The following HDAC9 variants were observed in gnomAD, a reference collection of about 807,000 sequenced individuals.
HDAC9 encodes the protein MEF-2 interacting transcription repressor (MITR) protein.
HDAC9 carries 41 observed loss-of-function variants against 139.4 expected under a neutral mutation model. That is an observed-to-expected ratio of 0.29 (90% CI 0.23 to 0.38). HDAC9 has a LOEUF of 0.38. HDAC9 is among the 10% of genes least tolerant of loss of function. HDAC9 has a pLI of 1.00. For missense variants in HDAC9, 1,147 were observed against 1,297.0 expected (o/e 0.88, Z 1.78); for synonymous variants, 517 against 476.2 (o/e 1.09, Z -1.12).
At chr7:18,608,163 GTAAAT>G (rs1397733859) in intron 6 of HDAC9, among the ~76,000 whole-genome samples, 1 of 152,032 alleles carries the variant, frequency 6.6e-6, no homozygotes, top group Non-Finnish European at 1.5e-5. Flanking sequence ...ACCTAATGAA[GTAAAT>G]TAAGAGATAG....
intron 1 of HDAC9, among the ~76,000 whole-genome samples, chr7:18,088,842 A>G (rs1388028136): frequency 6.6e-6 from 1 of 152,232 alleles, no homozygotes; most frequent in East Asian, 1.9e-4. Flanking sequence ...GGCTAATAAG[A>G]ATATTATATT....
At chr7:18,876,376 C>T (rs1799321071) in intron 22 of HDAC9, among the ~76,000 whole-genome samples, 1 of 152,070 alleles carries the variant, frequency 6.6e-6, no homozygotes, top group Non-Finnish European at 1.5e-5. Context: ...TACTCAAGAA[C>T]CATATGTTCT....
intron 1 of HDAC9, among the ~76,000 whole-genome samples, chr7:18,144,755 C>A (rs1027707201): frequency 6.6e-6 from 1 of 152,142 alleles, no homozygotes; most frequent in African/African-American, 2.4e-5. Flanking sequence ...TTTCCATCTC[C>A]TCTCCAGCCA....
chr7:18,729,144 G>A (rs1295960102), intron 13 of HDAC9, among the ~76,000 whole-genome samples: 1 of 152,120 alleles, frequency 6.6e-6, no homozygotes, highest in Non-Finnish European at 1.5e-5. Flanking sequence ...TGTAGAAAGA[G>A]CAATAGCCTT....
At chr7:18,582,019 A>G (rs749853162) in intron 2 of HDAC9, among the ~76,000 whole-genome samples, 1 of 152,238 alleles carries the variant, frequency 6.6e-6, no homozygotes, top group Non-Finnish European at 1.5e-5. Flanking sequence ...GCAACCCAAG[A>G]TTGATATCAG....
intron 2 of HDAC9, among the ~76,000 whole-genome samples, chr7:18,162,797 C>A (rs557505872): frequency 6.6e-6 from 1 of 152,182 alleles, no homozygotes; most frequent in Non-Finnish European, 1.5e-5. Context: ...CCTCCCCACC[C>A]TTCTTTGCTG....
At chr7:18,113,717 C>G (rs979895382) in intron 1 of HDAC9, among the ~76,000 whole-genome samples, 5 of 152,226 alleles carry the variant, frequency 3.3e-5, no homozygotes, top group Non-Finnish European at 7.3e-5. Context: ...TTTGCTTACA[C>G]TGTCTTAGTT....
chr7:18,912,301 A>C (rs777439123), intron 22 of HDAC9, among the ~76,000 whole-genome samples: 1 of 152,118 alleles, frequency 6.6e-6, no homozygotes, highest in Non-Finnish European at 1.5e-5. Flanking sequence ...TCAGCTGTGA[A>C]AATGAACATA....
In HDAC9 at chr7:18,592,107, C is replaced by A. The variant is rs1831162657; in HGVS notation, c.542+465C>A. 2.0e-5 allele frequency among the ~76,000 whole-genome samples: 3 copies of A among 151,502 alleles called. No homozygotes were observed. The South Asian group carries it at 6.3e-4, about 32-fold the overall frequency. ...GTAAGATGGAGGTCAGAGCTATTTT[C>A]AAAAATCTAGTAGAATTTTGTCTCA... On this transcript the variant is annotated intron_variant, in intron 5 of 25. Transcript: ENST00000686413.
At chr7:18,571,651 G>A (rs1230564152) in intron 2 of HDAC9, among the ~76,000 whole-genome samples, 1 of 150,644 alleles carries the variant, frequency 6.6e-6, no homozygotes, top group Admixed American at 6.6e-5. Flanking sequence ...TGGTAATAAA[G>A]ATTTACTCAG....
chr7:18,225,642 G>T (rs1389779911), intron 2 of HDAC9, among the ~76,000 whole-genome samples: 2 of 152,044 alleles, frequency 1.3e-5, no homozygotes, highest in African/African-American at 4.8e-5. Context: ...AAATTAAGTT[G>T]CCACAAATTA....
At chr7:18,463,452 A>G (rs533796983) in intron 1 of HDAC9, among the ~76,000 whole-genome samples, 1 of 151,970 alleles carries the variant, frequency 6.6e-6, no homozygotes, top group Middle Eastern at 3.4e-3. Flanking sequence ...ATTTACTTAT[A>G]TGTCAGTTGT....
At chr7:18,347,662 A>G (rs1242727513) in intron 1 of HDAC9, among the ~76,000 whole-genome samples, 4 of 152,092 alleles carry the variant, frequency 2.6e-5, no homozygotes, top group Admixed American at 6.6e-5. Flanking sequence ...CTGGAATGCA[A>G]TCTCGGCTCA....
intron 1 of HDAC9, among the ~76,000 whole-genome samples, chr7:18,370,885 A>G (rs984682442): frequency 1.3e-5 from 2 of 152,176 alleles, no homozygotes; most frequent in African/African-American, 4.8e-5. Flanking sequence ...GGCGTAGAGG[A>G]AAATGGCTGT....
At chr7:18,975,069 C>G (rs1784469821) in intron 24 of HDAC9, among the ~76,000 whole-genome samples, 2 of 152,196 alleles carry the variant, frequency 1.3e-5, no homozygotes, top group Non-Finnish European at 2.9e-5. Flanking sequence ...AGCCTAAGGG[C>G]TGCAAGAAAG....
At chr7:18,805,662 G>A (rs1793648770) in intron 17 of HDAC9, among the ~76,000 whole-genome samples, 1 of 152,244 alleles carries the variant, frequency 6.6e-6, no homozygotes, top group Non-Finnish European at 1.5e-5. Context: ...AGGTCAGCCA[G>A]TGAGTGCATG....
chr7:18,759,903 T>G (rs2129154972), intron 14 of HDAC9, among the ~76,000 whole-genome samples: 1 of 152,330 alleles, frequency 6.6e-6, no homozygotes, highest in South Asian at 2.1e-4. Flanking sequence ...CACATCAAGA[T>G]ATACTTAATG....
intron 12 of HDAC9, among the ~76,000 whole-genome samples, chr7:18,724,797 AG>A (rs1197890754): frequency 6.6e-6 from 1 of 152,184 alleles, no homozygotes; most frequent in Non-Finnish European, 1.5e-5. Flanking sequence ...AGCATAAAAA[AG>A]GTTCTGCACA....
At chr7:18,846,620 A>G (rs1225230962) in intron 21 of HDAC9, among the ~76,000 whole-genome samples, 3 of 152,220 alleles carry the variant, frequency 2.0e-5, no homozygotes, top group African/African-American at 4.8e-5. Flanking sequence ...CAAAGGTTCC[A>G]TTATAACCCT....
Sources: gnomAD v4.1 joint callset for allele counts (sites outside exome capture counted in the v4.1 genomes callset) on GRCh38, gnomAD v4.1.1 for gene constraint, MANE v1.5 for transcripts, NCBI Gene and HGNC (gene_info 2026-07-23, HGNC 2026-07-21) for gene names.